The following MBNL2 variants were observed in gnomAD, a reference collection of about 807,000 sequenced individuals.
The protein encoded by MBNL2 is muscleblind like splicing regulator 2.
A neutral mutation model predicts 41.9 loss-of-function variants in MBNL2; 17 were observed. The ratio of observed to expected loss-of-function variants is 0.41; its 90% confidence interval spans 0.28 to 0.61. The LOEUF is 0.61. Ranked by LOEUF, MBNL2 falls within the 20% of genes least tolerant of loss-of-function variation. The pLI, the probability that MBNL2 is intolerant of heterozygous loss-of-function variation, is 0.35. For missense variants in MBNL2, 336 were observed against 505.6 expected (o/e 0.66, Z 3.22); for synonymous variants, 195 against 182.9 (o/e 1.07, Z -0.53).
chr13:97,349,327 T>C (rs372942810), intron 5 of MBNL2, among the ~76,000 whole-genome samples: 5 of 152,194 alleles, frequency 3.3e-5, no homozygotes, highest in African/African-American at 1.2e-4. Flanking sequence ...AAAAAAGGAA[T>C]TCTTTCAGAG....
At chr13:97,207,509 T>G in the MBNL2 span, among the ~76,000 whole-genome samples, 1 of 152,112 alleles carries the variant, frequency 6.6e-6, no homozygotes, top group Non-Finnish European at 1.5e-5. Flanking sequence ...CTCTTCTTTT[T>G]AAAACCATCA....
the MBNL2 span, among the ~76,000 whole-genome samples, chr13:97,204,835 G>A: frequency 2.6e-5 from 4 of 152,008 alleles, no homozygotes; most frequent in South Asian, 4.2e-4. Context: ...CCCCAGCATT[G>A]TTTTGAGATG....
At chr13:97,151,518 A>C in the MBNL2 span, among the ~76,000 whole-genome samples, 4 of 152,152 alleles carry the variant, frequency 2.6e-5, no homozygotes, top group Non-Finnish European at 4.4e-5. Flanking sequence ...CTAGGGCTCT[A>C]ATTTGTAGTC....
At chr13:97,198,100 T>A in the MBNL2 span, among the ~76,000 whole-genome samples, 1 of 152,164 alleles carries the variant, frequency 6.6e-6, no homozygotes, top group Non-Finnish European at 1.5e-5. Flanking sequence ...GGTGATCCTC[T>A]GAGGGTGTTT....
At chr13:97,243,902 G>A (rs2044862424) in intron 1 of MBNL2, among the ~76,000 whole-genome samples, 1 of 151,890 alleles carries the variant, frequency 6.6e-6, no homozygotes, top group South Asian at 2.1e-4. Context: ...GAAGTGGCAG[G>A]AGAAAAAAGG....
chr13:97,146,747 A>T, the MBNL2 span, among the ~76,000 whole-genome samples: 1 of 152,120 alleles, frequency 6.6e-6, no homozygotes. Context: ...GATGCTCAGG[A>T]TGTGTTGTTC....
At chr13:97,259,150 C>T (rs4238207) in intron 1 of MBNL2, among the ~76,000 whole-genome samples, 102,486 of 151,938 alleles carry the variant, frequency 0.67, 34,724 homozygotes, top group Non-Finnish European at 0.68. Flanking sequence ...AGCACTGCCC[C>T]CATTCAAGTT....
chr13:97,255,177 CAA>C (rs1440457700), intron 1 of MBNL2, among the ~76,000 whole-genome samples: 2 of 152,170 alleles, frequency 1.3e-5, no homozygotes, highest in African/African-American at 2.4e-5. Flanking sequence ...TTCACTATCT[CAA>C]GTTTTTCCAC....
chr13:97,223,677 T>A (rs935366945), intron 1 of MBNL2, among the ~76,000 whole-genome samples: 5 of 152,146 alleles, frequency 3.3e-5, no homozygotes, highest in African/African-American at 1.2e-4. Context: ...TTGGGGACAA[T>A]AAGGTTTTTA....
chr13:97,298,157 C>T (rs2057260548), intron 2 of MBNL2, among the ~76,000 whole-genome samples: 1 of 151,098 alleles, frequency 6.6e-6, no homozygotes, highest in African/African-American at 2.4e-5. Context: ...TGCACATGTA[C>T]CCTAAAACTT....
chr13:97,272,426 C>A (rs144765765), intron 1 of MBNL2, among the ~76,000 whole-genome samples: 4,130 of 152,268 alleles, frequency 0.027, 114 homozygotes, highest in Admixed American at 0.084. Flanking sequence ...ATGATAGTTT[C>A]TTTCGCTGTG....
intron 8 of MBNL2, among the ~76,000 whole-genome samples, chr13:97,384,730 T>G (rs1469440930): frequency 6.6e-6 from 1 of 152,210 alleles, no homozygotes; most frequent in Admixed American, 6.5e-5. Context: ...TTTAAATTAA[T>G]AATAAATTTT....
At chr13:97,251,088 T>C (rs562156136) in intron 1 of MBNL2, among the ~76,000 whole-genome samples, 3 of 151,674 alleles carry the variant, frequency 2.0e-5, no homozygotes, top group Admixed American at 6.6e-5. Context: ...AGGAGTTTTC[T>C]GTAAAACTAC....
chr13:97,375,683 G>C (rs2064900225), intron 8 of MBNL2, among the ~76,000 whole-genome samples: 1 of 152,226 alleles, frequency 6.6e-6, no homozygotes, highest in African/African-American at 2.4e-5. Flanking sequence ...GTAGGTAGCA[G>C]AGCCTGCCTT....
intron 1 of MBNL2, among the ~76,000 whole-genome samples, chr13:97,228,529 C>CTTTTTT (rs5806008): frequency 1.6e-5 from 2 of 128,120 alleles, no homozygotes; most frequent in African/African-American, 2.9e-5. Context: ...TATTTATTAT[C>CTTTTTT]TTTTTTTTTT....
At chr13:97,360,977 G>T (rs2063345490) in intron 7 of MBNL2, among the ~76,000 whole-genome samples, 1 of 152,190 alleles carries the variant, frequency 6.6e-6, no homozygotes, top group Non-Finnish European at 1.5e-5. Flanking sequence ...AGTGTTTAGT[G>T]GCATCTGTAT....
At chr13:97,194,703 C>G in the MBNL2 span, among the ~76,000 whole-genome samples, 1 of 152,284 alleles carries the variant, frequency 6.6e-6, no homozygotes, top group East Asian at 1.9e-4. Context: ...GGCCAAAACC[C>G]AACAAACTCA....
intron 8 of MBNL2, among the ~76,000 whole-genome samples, chr13:97,371,356 C>T (rs1462254622): frequency 6.6e-6 from 1 of 152,116 alleles, no homozygotes; most frequent in Non-Finnish European, 1.5e-5. Flanking sequence ...TTTCCCTGTC[C>T]TCTGAATTCT....
intron 2 of MBNL2, among the ~76,000 whole-genome samples, chr13:97,284,009 G>A (rs1393299791): frequency 2.6e-5 from 4 of 152,136 alleles, no homozygotes; most frequent in Non-Finnish European, 4.4e-5. Context: ...CCCCTTTCCT[G>A]GAGACAGCAT....
Sources: allele counts gnomAD v4.1 joint callset (sites outside exome capture counted in the v4.1 genomes callset), GRCh38; gene constraint gnomAD v4.1.1; transcripts MANE v1.5; gene names NCBI Gene and HGNC (gene_info 2026-07-23, HGNC 2026-07-21).